The following PHYHIPL variants were observed in gnomAD, a reference collection of about 807,000 sequenced individuals.
PHYHIPL encodes the protein phytanoyl-CoA hydroxylase-interacting protein-like.
A neutral mutation model predicts 33.4 loss-of-function variants in PHYHIPL; 9 were observed. That is an observed-to-expected ratio of 0.27 (90% CI 0.16 to 0.47). The LOEUF is 0.47. PHYHIPL is among the 20% of genes least tolerant of loss of function. The pLI is 0.99. For missense variants in PHYHIPL, 365 were observed against 460.7 expected (o/e 0.79, Z 1.90); for synonymous variants, 153 against 154.1 (o/e 0.99, Z 0.05).
intron 1 of PHYHIPL, among the ~76,000 whole-genome samples, chr10:59,222,619 A>C (rs117420879): frequency 0.02 from 3,069 of 152,208 alleles, 60 homozygotes; most frequent in Non-Finnish European, 0.025. Flanking sequence ...CTAAAATATC[A>C]TCACATAAAA....
At chr10:59,185,250 A>C (rs1589257721) in intron 1 of PHYHIPL, among the ~76,000 whole-genome samples, 1 of 152,098 alleles carries the variant, frequency 6.6e-6, no homozygotes, top group Admixed American at 6.6e-5. Flanking sequence ...TCGGCCTCCC[A>C]AAGTGCTGGG....
chr10:59,208,373 C>T (rs1821306), intron 1 of PHYHIPL, among the ~76,000 whole-genome samples: 16 of 152,182 alleles, frequency 1.1e-4, no homozygotes, highest in Admixed American at 7.2e-4. Context: ...AAAGGAATAG[C>T]GTCAACTTCA....
chr10:59,219,173 T>C, intron 1 of PHYHIPL: 8 of 778,714 alleles, frequency 1.0e-5, no homozygotes, highest in Non-Finnish European at 1.2e-5. Flanking sequence ...TGCCTCATAA[T>C]CATATTTGGA....
At chr10:59,199,839 A>G (rs941320053) in intron 1 of PHYHIPL, among the ~76,000 whole-genome samples, 1 of 152,172 alleles carries the variant, frequency 6.6e-6, no homozygotes, top group Non-Finnish European at 1.5e-5. Flanking sequence ...AATTTCACTC[A>G]TGATTTGGCT....
Position 59,176,837 on chromosome 10 carries a change from C to A in PHYHIPL, c.-17C>A, listed in dbSNP as rs1203548199. On this transcript the variant is annotated 5_prime_UTR_variant, in exon 1 of 5. Transcript: ENST00000373880. ...GCCTGGATACGAAGCAGGCGGGCTT[C>A]AGAGTGGGTTGGAAAAATGGAGGTG... 6.2e-7 allele frequency: 1 copy of A among 1,607,150 alleles called. No homozygotes were observed. The highest frequency in any genetic ancestry group is 8.5e-7 in the Non-Finnish European group (1 of 1,176,594).
intron 1 of PHYHIPL, among the ~76,000 whole-genome samples, chr10:59,232,102 G>A (rs1840098105): frequency 6.6e-6 from 1 of 151,940 alleles, no homozygotes; most frequent in Admixed American, 6.6e-5. Flanking sequence ...TATTACCAAT[G>A]GGGGGCAAAA....
intron 4 of PHYHIPL, 167 bp downstream of exon 4, chr10:59,238,872 G>T: frequency 1.9e-6 from 1 of 518,040 alleles, no homozygotes; most frequent in South Asian, 2.5e-5. Flanking sequence ...AAAGATCATG[G>T]GATTTTTTTC....
chr10:59,223,050 T>C (rs1020036605), intron 1 of PHYHIPL, among the ~76,000 whole-genome samples: 1 of 152,200 alleles, frequency 6.6e-6, no homozygotes, highest in Admixed American at 6.5e-5. Context: ...TAGGTGCTCT[T>C]AGCCACTCTG....
chr10:59,203,296 G>T lies in PHYHIPL; in HGVS notation c.106+26337G>T, dbSNP rs547315300. Among the ~76,000 whole-genome samples the T allele has an allele frequency of 2.0e-3, 298 of 152,264 alleles. 3 individuals are homozygous for T. The highest frequency in any genetic ancestry group is 3.8e-3 in the Non-Finnish European group (256 of 68,026). On this transcript the variant is annotated intron_variant, in intron 1 of 4. Coordinates refer to ENST00000373880, the MANE Select transcript of PHYHIPL (RefSeq NM_032439.4). The stretch of plus-strand genomic sequence containing the variant: ...GTGCTGGAGAGGATGTGGAGAAATA[G>T]GAACACTTTTACACTGTTGCTGGGA...
intron 1 of PHYHIPL, among the ~76,000 whole-genome samples, chr10:59,192,721 G>T (rs1327033623): frequency 6.6e-6 from 1 of 152,092 alleles, no homozygotes; most frequent in Non-Finnish European, 1.5e-5. Context: ...TGTTAACTTT[G>T]TGATCAAACT....
In PHYHIPL at chr10:59,238,616, G is replaced by A. The variant is rs757720914; in HGVS notation, c.507G>A (p.Leu169=). Residue 169 remains leucine (L), a synonymous_variant, in exon 4 of 5, where the codon TTG becomes TTA. Coordinates refer to ENST00000373880, the MANE Select transcript of PHYHIPL (RefSeq NM_032439.4). ...ADYSKVHLTQ[L]LEKAEVIAGR... ...ATTCAAAAGTTCATCTAACACAATTGTTGGAGAAGGCTGAAGTGATTGCAG... is the reference window on the plus strand; with the variant it reads ...ATTCAAAAGTTCATCTAACACAATTATTGGAGAAGGCTGAAGTGATTGCAG... The A allele has an allele frequency of 1.1e-5, 17 of 1,609,762 alleles. No individual in the cohort carries two copies. The highest frequency in any genetic ancestry group is 1.2e-5 in the Non-Finnish European group (14 of 1,176,756).
chr10:59,237,751 C>T (rs1439288389), intron 3 of PHYHIPL, among the ~76,000 whole-genome samples: 1 of 151,852 alleles, frequency 6.6e-6, no homozygotes, highest in East Asian at 1.9e-4. Flanking sequence ...GGTTTAAAAC[C>T]CTGTGCTTAT....
intron 1 of PHYHIPL, among the ~76,000 whole-genome samples, chr10:59,228,525 A>G (rs931434966): frequency 2.0e-5 from 3 of 152,128 alleles, no homozygotes; most frequent in Non-Finnish European, 2.9e-5. Flanking sequence ...GTTGTTTTTA[A>G]TGAAGAGGAA....
upstream of PHYHIPL, among the ~76,000 whole-genome samples, chr10:59,175,372 G>C (rs1235281987): frequency 6.6e-6 from 1 of 152,096 alleles, no homozygotes; most frequent in Non-Finnish European, 1.5e-5. Flanking sequence ...ATTTATTGAA[G>C]CTTCAATTAA....
Position 59,245,249 on chromosome 10 carries a change from T to C in PHYHIPL, c.789T>C (p.Asn263=). 2 of 1,614,078 alleles carry C rather than the reference T, an allele frequency of 1.2e-6. No individual in the cohort carries two copies. The highest frequency in any genetic ancestry group is 1.7e-5 in the Admixed American group (1 of 60,022). ...CCGCAGAAAAACTTTTTAACCCCAATACTAACTTATACTTTGGGGACTTCT... is the reference window on the plus strand; with the variant it reads ...CCGCAGAAAAACTTTTTAACCCCAACACTAACTTATACTTTGGGGACTTCT... ...EIAAEKLFNP[N]TNLYFGDFYC... The change falls in exon 5 of 5, where the codon AAT becomes AAC. Residue 263 remains asparagine (N), a synonymous_variant. Transcript: ENST00000373880.
rs1288854591 is a variant in PHYHIPL at position 59,208,805 on chromosome 10, TCAAGCA to T, written c.107-25498_107-25493del. On this transcript the variant is annotated intron_variant, in intron 1 of 4. Coordinates refer to ENST00000373880, the MANE Select transcript of PHYHIPL (RefSeq NM_032439.4). ...ACACAAGTATCAATAGCCGAATTGA[TCAAGCA>T]GAAGAAAAGATATCAGAGATTGAAG... Among the ~76,000 whole-genome samples, 8 of 151,830 alleles carry T rather than the reference TCAAGCA, an allele frequency of 5.3e-5. No homozygotes were observed. In the East Asian group the frequency reaches 1.6e-3, roughly 30 times the overall value.
intron 1 of PHYHIPL, among the ~76,000 whole-genome samples, chr10:59,190,886 C>T (rs1422927475): frequency 6.6e-6 from 1 of 151,746 alleles, no homozygotes; most frequent in Admixed American, 6.6e-5. Context: ...AAAAAATCCC[C>T]GACTTCAGTG....
At chr10:59,185,897 T>G (rs1274884638) in intron 1 of PHYHIPL, among the ~76,000 whole-genome samples, 3 of 152,224 alleles carry the variant, frequency 2.0e-5, no homozygotes, top group Non-Finnish European at 4.4e-5. Context: ...TGCGAAAATT[T>G]TCTCCCATTC....
Position 59,247,173 on chromosome 10 carries a change from TGTA to T in PHYHIPL, c.*1583_*1585del, listed in dbSNP as rs1171712801. On this transcript the variant is annotated 3_prime_UTR_variant, in exon 5 of 5. Transcript: ENST00000373880. ...TCAAATAAATTGCTTTCTTGCTAGCTGTATTCCTTCCTACTTGAAAAGCGAATT... is the reference window on the plus strand; with the variant it reads ...TCAAATAAATTGCTTTCTTGCTAGCTTTCCTTCCTACTTGAAAAGCGAATT... The T allele has an allele frequency of 6.2e-6, 1 of 161,168 alleles. No homozygotes were observed. Among genetic ancestry groups the T allele is most frequent in the Non-Finnish European group, 1.3e-5 (1 of 74,592 alleles). 10.0% of individuals were successfully genotyped at this position (161,168 alleles called of 1,614,324 possible). A position where few individuals can be genotyped will look rare whatever the true frequency, so the allele number is the denominator to read the frequency against.
Sources: allele counts gnomAD v4.1 joint callset (sites outside exome capture counted in the v4.1 genomes callset), GRCh38; gene constraint gnomAD v4.1.1; transcripts MANE v1.5; gene names NCBI Gene and HGNC (gene_info 2026-07-23, HGNC 2026-07-21).